Variants in CREB5 observed in about 807,000 individuals in gnomAD.
CREB5 encodes cAMP responsive element binding protein 5, also known as cyclic AMP-responsive element-binding protein 5.
CREB5 carries 19 observed loss-of-function variants against 57.1 expected under a neutral mutation model. That is an observed-to-expected ratio of 0.33 (90% confidence interval 0.23 to 0.49). The LOEUF is 0.49. CREB5 is among the 20% of genes least tolerant of loss of function. CREB5 has a pLI of 0.99. For missense variants in CREB5, 579 were observed against 671.6 expected, an observed-to-expected ratio of 0.86 and a Z score of 1.52; for synonymous variants, 238 against 238.3, an observed-to-expected ratio of 1.00 and a Z score of 0.01.
At chr7:28,364,073 C>G (rs1786539135) in intron 1 of CREB5, among the ~76,000 whole-genome samples, 2 of 152,144 alleles carry the variant, frequency 1.3e-5, no homozygotes, top group Non-Finnish European at 2.9e-5. Context: ...TACCTAATTG[C>G]TTATTTCTCT....
intron 7 of CREB5, among the ~76,000 whole-genome samples, chr7:28,731,001 CCTATTAAACTCTCTAGACCTCATCAA>C (rs1224398774): frequency 6.6e-6 from 1 of 152,196 alleles, no homozygotes; most frequent in East Asian, 1.9e-4. Flanking sequence ...TTTGCTTATG[CCTATTAAACTCTCTAGACCTCATCAA>C]CTAAATATTG....
intron 5 of CREB5, among the ~76,000 whole-genome samples, chr7:28,653,717 C>G (rs988874716): frequency 1.1e-4 from 17 of 152,228 alleles, no homozygotes; most frequent in South Asian, 2.1e-4. Flanking sequence ...GCTGGTAAAC[C>G]AGCTCCCTGG....
chr7:28,516,828 C>A (rs1792981728), intron 4 of CREB5, among the ~76,000 whole-genome samples: 3 of 152,130 alleles, frequency 2.0e-5, no homozygotes, highest in South Asian at 4.1e-4. Flanking sequence ...AGGTATTAAC[C>A]CAAATGGAAT....
At chr7:28,780,720 C>G (rs144791946) in intron 7 of CREB5, among the ~76,000 whole-genome samples, 1 of 152,154 alleles carries the variant, frequency 6.6e-6, no homozygotes, top group African/African-American at 2.4e-5. Context: ...AAAATCAAAG[C>G]TTTTTAGATT....
At chr7:28,310,058 C>T (rs1039990584) in intron 1 of CREB5, among the ~76,000 whole-genome samples, 3 of 152,122 alleles carry the variant, frequency 2.0e-5, no homozygotes, top group Non-Finnish European at 4.4e-5. Context: ...AGCTAAGCAA[C>T]ATTTCAGCAG....
At chr7:28,444,669 A>G (rs779123026) in intron 1 of CREB5, among the ~76,000 whole-genome samples, 3 of 152,212 alleles carry the variant, frequency 2.0e-5, no homozygotes, top group Admixed American at 6.5e-5. Context: ...ATGGATTAGT[A>G]TAGCACAGTG....
chr7:28,380,794 C>T (rs953108858), intron 1 of CREB5, among the ~76,000 whole-genome samples: 1 of 152,104 alleles, frequency 6.6e-6, no homozygotes, highest in African/African-American at 2.4e-5. Flanking sequence ...TTTTTTTGAC[C>T]TAATGTGTAA....
intron 7 of CREB5, among the ~76,000 whole-genome samples, chr7:28,785,077 T>G (rs1454060298): frequency 6.6e-6 from 1 of 152,212 alleles, no homozygotes; most frequent in Non-Finnish European, 1.5e-5. Flanking sequence ...AGGCTTTTCT[T>G]TATTCATTTT....
chr7:28,446,600 A>G (rs999690263), intron 1 of CREB5, among the ~76,000 whole-genome samples: 30 of 152,174 alleles, frequency 2.0e-4, no homozygotes, highest in East Asian at 3.9e-4. Context: ...AGGCCATCCT[A>G]GCTAACACGG....
intron 5 of CREB5, among the ~76,000 whole-genome samples, chr7:28,663,144 C>CA (rs77569783): frequency 4.5e-4 from 67 of 147,460 alleles, no homozygotes; most frequent in African/African-American, 1.5e-3. Flanking sequence ...GATTCCATCT[C>CA]AAAAAAAAAA....
rs555391404 is a variant in CREB5 at position 28,605,167 on chromosome 7, A to G, written c.464+34630A>G. The stretch of plus-strand genomic sequence containing the variant: ...GACTTACGTAGAGAAGACCATGTCT[A>G]TAAAGAACTGGATACCTTTGCCTGG... On this transcript the variant is annotated intron_variant, in intron 5 of 10. Transcript: ENST00000357727. Among the ~76,000 whole-genome samples, 7 of 152,352 alleles carry G rather than the reference A, an allele frequency of 4.6e-5. No homozygotes were observed. The South Asian group carries it at 6.2e-4, about 14-fold the overall frequency.
At chr7:28,319,355 T>C (rs1485971703) in intron 1 of CREB5, among the ~76,000 whole-genome samples, 1 of 152,160 alleles carries the variant, frequency 6.6e-6, no homozygotes, top group Non-Finnish European at 1.5e-5. Context: ...TAGAATACCT[T>C]TGCCCATAAG....
rs535113282 is a variant in CREB5 at position 28,655,761 on chromosome 7, T to C, written c.465-62992T>C. On this transcript the variant is annotated intron_variant, in intron 5 of 10. Transcript: ENST00000357727. ...TAAAAGGTTTCTGTTAGTCGTGTTA[T>C]GTGTACATTTAGTTTTCATAATGGT... 2.0e-5 allele frequency among the ~76,000 whole-genome samples: 3 copies of C among 152,380 alleles called. No individual in the cohort carries two copies. In the East Asian group the frequency reaches 5.8e-4, roughly 29 times the overall value.
intron 1 of CREB5, among the ~76,000 whole-genome samples, chr7:28,395,974 G>T (rs980559368): frequency 6.6e-6 from 1 of 152,148 alleles, no homozygotes; most frequent in African/African-American, 2.4e-5. Context: ...TCAGAAGTGT[G>T]ATGCAGACAC....
At chr7:28,405,324 G>A (rs4523141) in intron 1 of CREB5, among the ~76,000 whole-genome samples, 1 of 152,120 alleles carries the variant, frequency 6.6e-6, no homozygotes, top group African/African-American at 2.4e-5. Context: ...AGTGGGAAAA[G>A]GTCACTCTGA....
At position 28,350,293 on chromosome 7, in the gene CREB5, G is replaced by A. The variant is rs372523116; in HGVS notation, c.-25+50852G>A. On this transcript the variant is annotated intron_variant, in intron 1 of 9. Transcript: ENST00000396299. ...CTATCTCTGAGAGAGAAGACTGGCC[G>A]CCTGTGGAGGGGAAGCTACCTCAGT... 1.1e-4 allele frequency among the ~76,000 whole-genome samples: 16 copies of A among 152,246 alleles called. No homozygotes were observed. In the East Asian group the frequency reaches 2.5e-3, roughly 24 times the overall value.
chr7:28,444,033 A>G (rs1175973502), intron 1 of CREB5, among the ~76,000 whole-genome samples: 1 of 152,178 alleles, frequency 6.6e-6, no homozygotes, highest in African/African-American at 2.4e-5. Flanking sequence ...TGTAATGGAA[A>G]ACTTAGTTTT....
At chr7:28,628,326 TG>T (rs1230242334) in intron 5 of CREB5, among the ~76,000 whole-genome samples, 1 of 152,100 alleles carries the variant, frequency 6.6e-6, no homozygotes, top group African/African-American at 2.4e-5. Context: ...CTCTTACCAC[TG>T]GGGCAGCTAC....
At chr7:28,562,668 G>A (rs1284874235) in intron 4 of CREB5, among the ~76,000 whole-genome samples, 1 of 152,208 alleles carries the variant, frequency 6.6e-6, no homozygotes, top group Non-Finnish European at 1.5e-5. Context: ...GCCTATGCAT[G>A]CAGCATGACT....
Sources: gnomAD v4.1 joint callset for allele counts (sites outside exome capture counted in the v4.1 genomes callset) on GRCh38, gnomAD v4.1.1 for gene constraint, MANE v1.5 for transcripts, NCBI Gene and HGNC (gene_info 2026-07-23, HGNC 2026-07-21) for gene names.